The following SALL4 variants were observed in gnomAD, a reference collection of about 807,000 sequenced individuals.
SALL4 encodes the protein sal-like protein 4.
Under a neutral mutation model 60.8 loss-of-function variants are expected in SALL4, and 4 were observed. The observed-to-expected ratio is 0.07, with a 90% CI of 0.03 to 0.15. SALL4 has a LOEUF of 0.15. SALL4 is among the 10% of genes least tolerant of loss of function. SALL4 has a pLI of 1.00. For synonymous variants in SALL4, 580 were observed against 574.9 expected (o/e 1.01, Z -0.13); for missense variants, 1,178 against 1,394.7 (o/e 0.84, Z 2.48).
intron 3 of SALL4, among the ~76,000 whole-genome samples, chr20:51,785,869 C>T (rs978570230): frequency 1.1e-4 from 17 of 151,898 alleles, no homozygotes; most frequent in African/African-American, 1.7e-4. Context: ...GTCTTGATCT[C>T]GTGACCTCGT....
At position 51,790,644 on chromosome 20, in the gene SALL4, A is replaced by C; in HGVS notation, c.1839T>G (p.Leu613=). 6.2e-7 allele frequency: 1 copy of C among 1,614,136 alleles called. No individual in the cohort carries two copies. Among genetic ancestry groups the C allele is most frequent in the South Asian group, 1.1e-5 (1 of 91,084 alleles). ...TGGATGTGTTGGTTCGGTGAACCCC[A>C]AGGTGTGTCTTCAGGTTACCTTTGG... ...FSTKGNLKTH[L]GVHRTNTSIK... Residue 613 remains leucine, a synonymous_variant, in exon 2 of 4, where the codon CTT becomes CTG. Coordinates refer to ENST00000217086, the MANE Select transcript of SALL4 (RefSeq NM_020436.5). This position sits in a 1 kb window ranked among gnomAD's most constrained non-coding sequence, Gnocchi z 5.5.
At position 51,801,087 on chromosome 20, in the gene SALL4, G is replaced by A. The variant is rs2078106804; in HGVS notation, c.130+1192C>T. The stretch of plus-strand genomic sequence containing the variant: ...TTAGAAAGCAGGCGGGGAGCGGAGC[G>A]ACGAACAAGGCCGGAGAGGAGGCTA... On this transcript the variant is annotated intron_variant, in intron 1 of 3. Coordinates refer to ENST00000217086, the MANE Select transcript of SALL4 (RefSeq NM_020436.5). This position sits in a 1 kb window ranked among gnomAD's most constrained non-coding sequence, Gnocchi z 5.2. 6.6e-6 allele frequency among the ~76,000 whole-genome samples: 1 copy of A among 152,038 alleles called. No individual in the cohort carries two copies. Among genetic ancestry groups the A allele is most frequent in the African/African-American group, 2.4e-5 (1 of 41,392 alleles).
intron 3 of SALL4, among the ~76,000 whole-genome samples, chr20:51,786,462 C>T (rs2077993661): frequency 6.6e-6 from 1 of 151,700 alleles, no homozygotes; most frequent in African/African-American, 2.4e-5. Context: ...GAACTCCTGG[C>T]CTCAAGCAAT....
rs543955874 is a variant in SALL4 at position 51,801,074 on chromosome 20, C to A, written c.130+1205G>T. ...TGCTGCAGGGAAATTAGAAAGCAGG[C>A]GGGGAGCGGAGCGACGAACAAGGCC... On this transcript the variant is annotated intron_variant, in intron 1 of 3. Coordinates refer to ENST00000217086, the MANE Select transcript of SALL4 (RefSeq NM_020436.5). This position sits in a 1 kb window ranked among gnomAD's most constrained non-coding sequence, Gnocchi z 5.2. Among the ~76,000 whole-genome samples the A allele has an allele frequency of 3.9e-5, 6 of 151,992 alleles. No individual in the cohort carries two copies. The highest frequency in any genetic ancestry group is 3.3e-4 in the Admixed American group (5 of 15,242).
intron 3 of SALL4, among the ~76,000 whole-genome samples, chr20:51,786,451 C>G (rs6063712): frequency 1.3e-5 from 2 of 152,080 alleles, no homozygotes; most frequent in African/African-American, 4.8e-5. Context: ...AAGCTGGTCT[C>G]GAACTCCTGG....
rs780437999 is a variant in SALL4, at chr20:51,784,653, T to C, written c.2774A>G (p.Asn925Ser). 10 of 1,614,042 alleles carry C rather than the reference T, an allele frequency of 6.2e-6. No homozygotes were observed. Among genetic ancestry groups the C allele is most frequent in the Non-Finnish European group, 8.5e-6 (10 of 1,180,044 alleles). ...CAACTTCCTTCCACGGCGGGCTGAG[T>C]TATTGTTCGCCCCGTGTGTCATGTA... is the stretch of plus-strand genomic sequence containing the variant. ...VHYMTHGANNNSARRGRKLAI... is the reference protein window; with the variant it reads ...VHYMTHGANNSSARRGRKLAI... Residue 925 changes from asparagine (N) to serine (S), a missense_variant, in exon 4 of 4, where the codon AAC becomes AGC. Around this residue, in one of 5 missense-constraint regions of SALL4, gnomAD observed 174 missense variants for 169.6 expected, o/e 1.03. Transcript: ENST00000217086.
chr20:51,791,716 G>C lies in SALL4; in HGVS notation c.767C>G (p.Thr256Ser). 3.1e-6 allele frequency: 5 copies of C among 1,614,206 alleles called. No individual in the cohort carries two copies. The highest frequency in any genetic ancestry group is 4.2e-6 in the Non-Finnish European group (5 of 1,180,058). Residue 256 changes from threonine (T) to serine (S), a missense_variant, in exon 2 of 4, where the codon ACT becomes AGT. By Grantham distance (58) the Thr-to-Ser change is moderately conservative. This residue lies in a region of SALL4 where 853 missense variants were observed against 1,036.8 expected (regional missense o/e 0.82). Coordinates refer to ENST00000217086, the MANE Select transcript of SALL4 (RefSeq NM_020436.5). The surrounding 1 kb of genome is among the most constrained non-coding windows in gnomAD (Gnocchi z 4.6). ...CATGTGGCTGCCCAAGGTCTTCAGA[G>C]TGTCGGCCCCTGCCCCGCTTGAGTG... ...ALHSSGAGAD[T>S]LKTLGSHMSQ...
chr20:51,788,744 C>G lies in SALL4; in HGVS notation c.2742+117G>C. On this transcript the variant is annotated intron_variant, in intron 3 of 3. Transcript: ENST00000217086. This position sits in a 1 kb window ranked among gnomAD's most constrained non-coding sequence, Gnocchi z 4.1. The stretch of plus-strand genomic sequence containing the variant: ...CAAACTCCTGGACTCAAGCAATCCT[C>G]CCACCTCGGCCTCCCAAAGGAGGAA... The G allele has an allele frequency of 8.0e-7, 1 of 1,253,796 alleles. No individual in the cohort carries two copies. Among genetic ancestry groups the G allele is most frequent in the Non-Finnish European group, 1.2e-6 (1 of 866,662 alleles). The allele number at this position is 1,253,796 out of a possible 1,614,324, so 77.7% of individuals were successfully genotyped here. A position where few individuals can be genotyped will look rare whatever the true frequency, so the allele number is the denominator to read the frequency against.
chr20:51,800,775 G>T (rs2078104836), intron 1 of SALL4, among the ~76,000 whole-genome samples: 1 of 137,224 alleles, frequency 7.3e-6, no homozygotes, highest in African/African-American at 2.7e-5. Context: ...CCCTCCAGGC[G>T]CCTGGGACCT....
At chr20:51,789,941 C>T (rs992411101) in intron 2 of SALL4, 81 bp downstream of exon 2, 15 of 1,568,284 alleles carry the variant, frequency 9.6e-6, no homozygotes, top group Middle Eastern at 1.9e-4. Context: ...TCATACTCTC[C>T]GTTTGTAAAG....
Position 51,791,808 on chromosome 20 carries a change from C to T in SALL4, c.675G>A (p.Gln225=), listed in dbSNP as rs771370612. Reference sequence around the variant, plus strand: ...GCTCGGTGAGCTGGATCTGCTGTAGCTGCTGCTGCTGCAGACACAAGATCT... The same window carrying T: ...GCTCGGTGAGCTGGATCTGCTGTAGTTGCTGCTGCTGCAGACACAAGATCT... ...LEQILCLQQQ[Q]LQQIQLTEQI... is the part of the protein sequence containing the mutation. The change falls in exon 2 of 4, where the codon CAG becomes CAA. Residue 225 remains glutamine, a synonymous_variant. Coordinates refer to ENST00000217086, the MANE Select transcript of SALL4 (RefSeq NM_020436.5). The surrounding 1 kb of genome is among the most constrained non-coding windows in gnomAD (Gnocchi z 4.6). The T allele has an allele frequency of 3.1e-6, 5 of 1,613,648 alleles. No individual in the cohort carries two copies. Among genetic ancestry groups the T allele is most frequent in the African/African-American group, 1.3e-5 (1 of 75,056 alleles).
intron 3 of SALL4, among the ~76,000 whole-genome samples, chr20:51,784,974 G>A (rs927295524): frequency 1.3e-5 from 2 of 152,052 alleles, no homozygotes; most frequent in Non-Finnish European, 2.9e-5. Flanking sequence ...ATCATCTAAC[G>A]CAAAGCCTAT....
At chr20:51,789,899 G>T in intron 2 of SALL4, 123 bp downstream of exon 2, 1 of 1,173,326 alleles carries the variant, frequency 8.5e-7, no homozygotes, top group Non-Finnish European at 1.3e-6. Flanking sequence ...GTAAAGAAAA[G>T]CTAATTGCCC....
intron 3 of SALL4, among the ~76,000 whole-genome samples, chr20:51,787,957 G>A (rs928362493): frequency 6.6e-6 from 1 of 151,842 alleles, no homozygotes; most frequent in Non-Finnish European, 1.5e-5. Context: ...AAGTAGCTGG[G>A]CCTACAGGCG....
At position 51,801,481 on chromosome 20, in the gene SALL4, G is replaced by A. The variant is rs2078109256; in HGVS notation, c.130+798C>T. On this transcript the variant is annotated intron_variant, in intron 1 of 3. Transcript: ENST00000217086. The surrounding 1 kb of genome is among the most constrained non-coding windows in gnomAD (Gnocchi z 5.2). The stretch of plus-strand genomic sequence containing the variant: ...GCGCGCCCGCCACCCCGGCCACTGG[G>A]GGCTCGCACCCTCGGGCTTGCCGCG... The A allele has an allele frequency of 6.6e-6, 1 of 152,282 alleles. No homozygotes were observed. Among genetic ancestry groups the A allele is most frequent in the Non-Finnish European group, 1.5e-5 (1 of 68,100 alleles). 9.4% of individuals were successfully genotyped at this position (152,282 alleles called of 1,614,324 possible).
At chr20:51,789,242 G>T in intron 2 of SALL4, 101 bp from the exon 3 acceptor site, 1 of 1,352,946 alleles carries the variant, frequency 7.4e-7, no homozygotes, top group Non-Finnish European at 1.0e-6. Context: ...CTGCTAGTTT[G>T]AGAGTCTGGA....
In SALL4 at chr20:51,788,886, G is replaced by C. The variant is rs1330269507; in HGVS notation, c.2717C>G (p.Ala906Gly). ...CTTTAAGTTGCCTTTGGTGGTAAAA[G>C]CTCGCCCACAAATGTTGCACACAAA... ...KPFVCNICGR[A>G]FTTKGNLKVH... The change falls in exon 3 of 4, where the codon GCT becomes GGT. Residue 906 changes from alanine to glycine, a missense_variant. Coordinates refer to ENST00000217086, the MANE Select transcript of SALL4 (RefSeq NM_020436.5). The surrounding 1 kb of genome is among the most constrained non-coding windows in gnomAD (Gnocchi z 4.1). 10 of 1,614,046 alleles carry C rather than the reference G, an allele frequency of 6.2e-6. No individual in the cohort carries two copies. The highest frequency in any genetic ancestry group is 3.3e-4 in the Middle Eastern group (2 of 6,084).
At chr20:51,797,757 A>G (rs1264232183) in intron 1 of SALL4, among the ~76,000 whole-genome samples, 2 of 141,676 alleles carry the variant, frequency 1.4e-5, no homozygotes, top group East Asian at 2.0e-4. Context: ...TAGTTATCCA[A>G]TAAGTTGGAA....
chr20:51,786,998 G>A (rs1436214833), intron 3 of SALL4, among the ~76,000 whole-genome samples: 1 of 152,206 alleles, frequency 6.6e-6, no homozygotes, highest in East Asian at 1.9e-4. Context: ...AGGAGGCTGA[G>A]GCAGGAGAAT....
Sources: gnomAD v4.1 joint callset for allele counts (sites outside exome capture counted in the v4.1 genomes callset) on GRCh38, gnomAD v4.1.1 for gene constraint, gnomAD v4.1.1 regional missense constraint, Gnocchi (gnomAD v3.1) non-coding constraint, MANE v1.5 for transcripts, NCBI Gene and HGNC (gene_info 2026-07-23, HGNC 2026-07-21) for gene names.